The following ALG13 variants were observed in gnomAD, a reference collection of about 807,000 sequenced individuals.
ALG13 encodes the protein ALG13 UDP-N-acetylglucosaminyltransferase subunit.
In ALG13, 11 loss-of-function variants were observed where a neutral mutation model predicts 87.8. The ratio of observed to expected loss-of-function variants is 0.13; its 90% confidence interval spans 0.08 to 0.21. ALG13 has a LOEUF of 0.21. Among genes scored for constraint, ALG13 ranks in the 10% least tolerant of loss-of-function variants. The probability of loss-of-function intolerance (pLI) is 1.00; values close to 1 mark genes in which losing one functional copy is unlikely to be tolerated. For synonymous variants in ALG13, 320 were observed against 306.3 expected (o/e 1.04, Z -0.47); for missense variants, 756 against 866.1 (o/e 0.87, Z 1.60).
chrX:111,681,331 G>C (rs1569508986), intron 1 of ALG13, 32 bp downstream of exon 1: 1 of 1,208,328 alleles, frequency 8.3e-7, no homozygotes, highest in East Asian at 3.0e-5. Context: ...GCGGCGGCTT[G>C]GCTCGCCACC....
chrX:111,752,294 A>G (rs1190713968), intron 24 of ALG13, among the ~76,000 whole-genome samples: 1 of 112,345 alleles, frequency 8.9e-6, no homozygotes, highest in African/African-American at 3.2e-5. Flanking sequence ...ACTAAACCGT[A>G]GATGAGAAAA....
At chrX:111,734,855 ATT>A (rs1943081605) in intron 21 of ALG13, among the ~76,000 whole-genome samples, 194 bp from the exon 22 acceptor site, 1 of 111,745 alleles carries the variant, frequency 8.9e-6, no homozygotes, top group Non-Finnish European at 1.9e-5. Flanking sequence ...TGTGTTGAGG[ATT>A]TCTGTAGATA....
intron 12 of ALG13, among the ~76,000 whole-genome samples, chrX:111,722,171 A>G (rs776679684): frequency 4.0e-4 from 45 of 112,300 alleles, no homozygotes; most frequent in African/African-American, 1.3e-3. Context: ...AAATTATATA[A>G]TTCAAATTTC....
At position 111,708,213 on chromosome X, in the gene ALG13, C is replaced by T; in HGVS notation, c.570C>T (p.His190=). The change falls in exon 4 of 27, where the codon CAC becomes CAT. Residue 190 remains histidine (H), a synonymous_variant. Transcript: ENST00000394780. Reference sequence around the variant, plus strand: ...GCACCCTGCTTTTTCCCTCTTGCCACGCTTTTTTTCCTCTCCCTCTTACCC... The same window carrying T: ...GCACCCTGCTTTTTCCCTCTTGCCATGCTTTTTTTCCTCTCCCTCTTACCC... ...PTCTLLFPSC[H]AFFPLPLTPT... The T allele has an allele frequency of 8.3e-7, 1 of 1,211,318 alleles. No homozygotes were observed. The highest frequency in any genetic ancestry group is 2.3e-4 in the Middle Eastern group (1 of 4,353).
At chrX:111,692,930 A>G (rs1198501207) in intron 3 of ALG13, among the ~76,000 whole-genome samples, 1 of 110,462 alleles carries the variant, frequency 9.1e-6, no homozygotes, top group Non-Finnish European at 1.9e-5. Context: ...CTGGAACCAC[A>G]GGCATGGGCC....
At chrX:111,728,334 A>G (rs748616740) in intron 19 of ALG13, 29 bp downstream of exon 19, 12 of 1,202,761 alleles carry the variant, frequency 1.0e-5, no homozygotes, top group Non-Finnish European at 1.3e-5. Flanking sequence ...AATATTTTTT[A>G]AAAGATTCTT....
chrX:111,685,121 T>C lies in ALG13; in HGVS notation c.383+18T>C. The C allele has an allele frequency of 1.7e-6, 2 of 1,196,307 alleles. No individual in the cohort carries two copies. The highest frequency in any genetic ancestry group is 2.3e-6 in the Non-Finnish European group (2 of 888,699). ...ACCTGCAGGTATGCTAGAGACTGATTATTATTATCTCTTGCCTTAATTCGT... is the reference window on the plus strand; with the variant it reads ...ACCTGCAGGTATGCTAGAGACTGATCATTATTATCTCTTGCCTTAATTCGT... On this transcript the variant is annotated intron_variant, in intron 3 of 26. Transcript: ENST00000394780.
At chrX:111,714,284 A>G (rs1238701528) in intron 8 of ALG13, 3 of 110,992 alleles carry the variant, frequency 2.7e-5, no homozygotes, top group African/African-American at 9.8e-5. Flanking sequence ...CAAAGGGTTA[A>G]TTACAGCAAA....
At chrX:111,728,393 G>A (rs752533900) in intron 19 of ALG13, 88 bp downstream of exon 19, 476 of 1,015,391 alleles carry the variant, frequency 4.7e-4, no homozygotes, top group Non-Finnish European at 5.8e-4. Flanking sequence ...TGGTTTTGGC[G>A]TCTCTCTCTG....
chrX:111,718,107 T>C lies in ALG13; in HGVS notation c.1088-5T>C. The C allele has an allele frequency of 8.7e-7, 1 of 1,153,516 alleles. No homozygotes were observed. Among genetic ancestry groups the C allele is most frequent in the Non-Finnish European group, 1.2e-6 (1 of 865,796 alleles). ...CAATTGGAATTTTGACCATTTTTTC[T>C]TCAGCTGTATTGTACGAAATTCTCT... On this transcript the variant is annotated splice_polypyrimidine_tract_variant and splice_region_variant and intron_variant, in intron 9 of 26. Transcript: ENST00000394780.
At chrX:111,713,712 C>A (rs1396613832) in intron 8 of ALG13, among the ~76,000 whole-genome samples, 2 of 111,969 alleles carry the variant, frequency 1.8e-5, no homozygotes, top group African/African-American at 6.5e-5. Context: ...GAGTCATTTT[C>A]TCACTTTGTG....
intron 14 of ALG13, among the ~76,000 whole-genome samples, 180 bp downstream of exon 14, chrX:111,724,078 T>C (rs1288446718): frequency 8.9e-6 from 1 of 112,068 alleles, no homozygotes; most frequent in Admixed American, 9.5e-5. Flanking sequence ...AATATAGATA[T>C]TAGATATGTA....
At chrX:111,687,433 T>C (rs1275448160) in intron 3 of ALG13, among the ~76,000 whole-genome samples, 1 of 112,508 alleles carries the variant, frequency 8.9e-6, no homozygotes, top group Non-Finnish European at 1.9e-5. Context: ...TATGAAGTTA[T>C]GATAGTAAAT....
chrX:111,751,093 G>A (rs1182094172), intron 24 of ALG13, among the ~76,000 whole-genome samples: 1 of 88,938 alleles, frequency 1.1e-5, no homozygotes, highest in Non-Finnish European at 2.2e-5. Flanking sequence ...TTTTTGCAAC[G>A]GAGTCTTGCT....
At chrX:111,695,105 A>C (rs1444320985) in intron 3 of ALG13, among the ~76,000 whole-genome samples, 1 of 111,959 alleles carries the variant, frequency 8.9e-6, no homozygotes, top group Non-Finnish European at 1.9e-5. Context: ...TAGTTAGATA[A>C]TTTAAGTTTA....
At chrX:111,745,527 C>A (rs773592640) in intron 24 of ALG13, among the ~76,000 whole-genome samples, 8 of 109,819 alleles carry the variant, frequency 7.3e-5, no homozygotes, top group Non-Finnish European at 1.3e-4. Flanking sequence ...AGCTGCTTCT[C>A]TATTTTTGCT....
At chrX:111,750,152 A>G (rs1214173019) in intron 24 of ALG13, among the ~76,000 whole-genome samples, 1 of 111,146 alleles carries the variant, frequency 9.0e-6, no homozygotes, top group African/African-American at 3.3e-5. Context: ...TGGTGCTTCA[A>G]CTCAAATTCT....
chrX:111,742,204 A>G (rs1349661861), intron 23 of ALG13, among the ~76,000 whole-genome samples: 1 of 111,580 alleles, frequency 9.0e-6, no homozygotes, highest in African/African-American at 3.3e-5. Flanking sequence ...CCTATAGATG[A>G]AACGACTGAT....
chrX:111,744,813 T>C lies in ALG13; in HGVS notation c.2841T>C (p.Leu947=). 8.5e-7 allele frequency: 1 copy of C among 1,171,368 alleles called. No individual in the cohort carries two copies. Among genetic ancestry groups the C allele is most frequent in the Middle Eastern group, 2.4e-4 (1 of 4,110 alleles). Residue 947 remains leucine (L), a synonymous_variant, in exon 24 of 27, where the codon CTT becomes CTC. Transcript: ENST00000394780. ...PPPPPPPPPA[L]DVGETSNLQP... ...CTCCTCCTCCTCCTCCTCCTGCTCTTGATGTGGGAGAGACTTCAAACTTAC... is the reference window on the plus strand; with the variant it reads ...CTCCTCCTCCTCCTCCTCCTGCTCTCGATGTGGGAGAGACTTCAAACTTAC...
Sources: allele counts gnomAD v4.1 joint callset (sites outside exome capture counted in the v4.1 genomes callset), GRCh38; gene constraint gnomAD v4.1.1; transcripts MANE v1.5; gene names NCBI Gene and HGNC (gene_info 2026-07-23, HGNC 2026-07-21).